Variants in POU2F1 observed in about 807,000 individuals in gnomAD.
The protein encoded by POU2F1 is POU class 2 homeobox 1, also known as POU domain, class 2, transcription factor 1.
A neutral mutation model predicts 84.9 loss-of-function variants in POU2F1; 16 were observed. The observed-to-expected ratio is 0.19, with a 90% CI of 0.13 to 0.29. The LOEUF (loss-of-function observed/expected upper bound fraction) is 0.29, where lower values mean the gene tolerates loss of function less well. Among genes scored for constraint, POU2F1 ranks in the 10% least tolerant of loss-of-function variants. POU2F1 has a pLI of 1.00. For missense variants in POU2F1, 738 were observed against 942.6 expected, an observed-to-expected ratio of 0.78 and a Z score of 2.84; for synonymous variants, 368 against 368.3, an observed-to-expected ratio of 1.00 and a Z score of 0.01.
At chr1:167,359,832 GTCA>G (rs968220634) in intron 2 of POU2F1, among the ~76,000 whole-genome samples, 2 of 134,428 alleles carry the variant, frequency 1.5e-5, no homozygotes, top group Non-Finnish European at 3.2e-5. Context: ...TTTCAGCTTT[GTCA>G]ACATTTGTGG....
chr1:167,349,009 A>G (rs1001755459), intron 2 of POU2F1, among the ~76,000 whole-genome samples: 4 of 152,030 alleles, frequency 2.6e-5, no homozygotes, highest in African/African-American at 9.7e-5. Context: ...CTGCCACCCA[A>G]ACCTAACTGT....
intron 13 of POU2F1, among the ~76,000 whole-genome samples, chr1:167,407,182 C>T (rs891589713): frequency 1.3e-5 from 2 of 151,986 alleles, no homozygotes; most frequent in Non-Finnish European, 2.9e-5. Context: ...AGCCACATGC[C>T]ACCCGCCCAG....
At chr1:167,234,390 C>T (rs796088445) in intron 1 of POU2F1, among the ~76,000 whole-genome samples, 3 of 152,286 alleles carry the variant, frequency 2.0e-5, no homozygotes, top group African/African-American at 4.8e-5. Context: ...ATGCAAACTG[C>T]TGATCCTGGT....
intron 1 of POU2F1, among the ~76,000 whole-genome samples, chr1:167,226,979 G>A (rs1426749259): frequency 2.0e-5 from 3 of 151,788 alleles, no homozygotes; most frequent in African/African-American, 7.3e-5. Context: ...TTAAGAGATG[G>A]GGTCTTGCTA....
intron 2 of POU2F1, among the ~76,000 whole-genome samples, chr1:167,351,938 C>T (rs35456395): frequency 0.015 from 2,227 of 152,090 alleles, 22 homozygotes; most frequent in South Asian, 0.026. Context: ...GGAAAAATGA[C>T]AACAGGAATA....
intron 1 of POU2F1, among the ~76,000 whole-genome samples, chr1:167,318,842 C>G (rs1656108583): frequency 6.6e-6 from 1 of 152,110 alleles, no homozygotes; most frequent in African/African-American, 2.4e-5. Context: ...TGGGGGGGTC[C>G]AGCCAAGTTA....
Position 167,235,613 on chromosome 1 carries a change from G to A in POU2F1, c.61+14655G>A, listed in dbSNP as rs1156774427. 3.3e-5 allele frequency among the ~76,000 whole-genome samples: 5 copies of A among 152,106 alleles called. No individual in the cohort carries two copies. The South Asian group carries it at 1.0e-3, about 32-fold the overall frequency. On this transcript the variant is annotated intron_variant, in intron 1 of 15. Transcript: ENST00000367866. Reference sequence around the variant, plus strand: ...CTATGTATTGCAGACAGATGTCCACGCTTAGGTGTGCATGCTCCTGTCATG... The same window carrying A: ...CTATGTATTGCAGACAGATGTCCACACTTAGGTGTGCATGCTCCTGTCATG...
At chr1:167,364,983 T>G (rs1659592473) in intron 2 of POU2F1, among the ~76,000 whole-genome samples, 1 of 152,246 alleles carries the variant, frequency 6.6e-6, no homozygotes, top group Admixed American at 6.5e-5. Context: ...TCTTTATGCT[T>G]ATCATGGAGA....
intron 13 of POU2F1, among the ~76,000 whole-genome samples, chr1:167,406,784 ATACT>A (rs1343561482): frequency 1.3e-5 from 2 of 152,140 alleles, no homozygotes; most frequent in Non-Finnish European, 2.9e-5. Flanking sequence ...AAAGAATAAA[ATACT>A]TAGGAATAAA....
chr1:167,317,794 T>A (rs1170091820), intron 1 of POU2F1, among the ~76,000 whole-genome samples: 1 of 152,216 alleles, frequency 6.6e-6, no homozygotes, highest in Non-Finnish European at 1.5e-5. Context: ...ATTTTGTTGA[T>A]GGCCATTTTG....
intron 1 of POU2F1, among the ~76,000 whole-genome samples, chr1:167,318,546 T>C (rs1186371905): frequency 6.6e-6 from 1 of 152,196 alleles, no homozygotes; most frequent in East Asian, 1.9e-4. Flanking sequence ...TACAAATTTG[T>C]TTTTGAGGGC....
intron 1 of POU2F1, among the ~76,000 whole-genome samples, chr1:167,304,347 T>C (rs1354793254): frequency 6.6e-6 from 1 of 152,178 alleles, no homozygotes; most frequent in Non-Finnish European, 1.5e-5. Context: ...AGTATTACTG[T>C]CCATTTTACA....
chr1:167,385,354 G>T (rs548306599), intron 8 of POU2F1, among the ~76,000 whole-genome samples: 1 of 152,236 alleles, frequency 6.6e-6, no homozygotes, highest in African/African-American at 2.4e-5. Context: ...ATATAGAACT[G>T]TAGAAAACAC....
chr1:167,350,859 G>A (rs567198847), intron 2 of POU2F1, among the ~76,000 whole-genome samples: 13 of 151,836 alleles, frequency 8.6e-5, no homozygotes, highest in African/African-American at 2.7e-4. Context: ...TTAGCCAGGC[G>A]TGGTGGCGCA....
At chr1:167,235,767 A>T (rs1269746010) in intron 1 of POU2F1, among the ~76,000 whole-genome samples, 1 of 152,236 alleles carries the variant, frequency 6.6e-6, no homozygotes, top group Non-Finnish European at 1.5e-5. Context: ...ATGAAATCAT[A>T]TTCTTTGCAG....
At chr1:167,369,714 G>T (rs1307303745) in intron 3 of POU2F1, among the ~76,000 whole-genome samples, 1 of 152,098 alleles carries the variant, frequency 6.6e-6, no homozygotes, top group African/African-American at 2.4e-5. Flanking sequence ...TTCTACTCTG[G>T]TGTATACATG....
At chr1:167,271,873 T>C (rs998959655) in intron 1 of POU2F1, among the ~76,000 whole-genome samples, 4 of 152,246 alleles carry the variant, frequency 2.6e-5, no homozygotes, top group Non-Finnish European at 5.9e-5. Flanking sequence ...ATTTCTACAT[T>C]TTTTTGTGGG....
At chr1:167,243,606 G>A (rs1286924138) in intron 1 of POU2F1, among the ~76,000 whole-genome samples, 1 of 152,182 alleles carries the variant, frequency 6.6e-6, no homozygotes, top group African/African-American at 2.4e-5. Flanking sequence ...CTCCCGAGTA[G>A]CTGGGATTAC....
intron 1 of POU2F1, among the ~76,000 whole-genome samples, chr1:167,300,468 TTTTA>T (rs1307926395): frequency 6.6e-6 from 1 of 152,158 alleles, no homozygotes; most frequent in Non-Finnish European, 1.5e-5. Flanking sequence ...AACTCTTATT[TTTTA>T]TTTATTTTTT....
Sources: allele counts gnomAD v4.1 joint callset (sites outside exome capture counted in the v4.1 genomes callset), GRCh38; gene constraint gnomAD v4.1.1; transcripts MANE v1.5; gene names NCBI Gene and HGNC (gene_info 2026-07-23, HGNC 2026-07-21).